The following AVEN variants were observed in gnomAD, a reference collection of about 807,000 sequenced individuals.
AVEN encodes cell death regulator Aven.
Under a neutral mutation model 38.1 loss-of-function variants are expected in AVEN, and 41 were observed. The ratio of observed to expected loss-of-function variants is 1.08; its 90% CI spans 0.84 to 1.40. The LOEUF is 1.40. AVEN is among the 40% of genes most tolerant of loss of function. The probability of loss-of-function intolerance (pLI) is 0.00; values close to 1 mark genes in which losing one functional copy is unlikely to be tolerated. For missense variants in AVEN, 605 were observed against 438.8 expected (o/e 1.38, Z -3.38); for synonymous variants, 206 against 171.8 (o/e 1.20, Z -1.56).
At chr15:34,068,234 AT>A (rs35505631) in intron 2 of AVEN, among the ~76,000 whole-genome samples, 132,223 of 139,668 alleles carry the variant, frequency 0.95, 62,724 homozygotes, top group East Asian at 0.99. Flanking sequence ...TTTTTCATTC[AT>A]TTTTTTTTTT....
intron 2 of AVEN, among the ~76,000 whole-genome samples, chr15:33,908,600 C>T (rs1166426746): frequency 6.6e-6 from 1 of 152,142 alleles, no homozygotes; most frequent in Admixed American, 6.5e-5. Context: ...TAGAATCATA[C>T]AGTATTTTTC....
intron 11 of AVEN, among the ~76,000 whole-genome samples, chr15:33,860,392 TGG>T: frequency 6.6e-6 from 1 of 152,302 alleles, no homozygotes; most frequent in Admixed American, 6.5e-5. Context: ...CAGCACTGCA[TGG>T]TGTAGAAAGG....
chr15:34,019,593 C>G (rs770470094), intron 1 of AVEN, among the ~76,000 whole-genome samples: 11 of 152,300 alleles, frequency 7.2e-5, no homozygotes, highest in Non-Finnish European at 1.5e-4. Context: ...TCATGGAAAG[C>G]ACCCCATACA....
intron 2 of AVEN, among the ~76,000 whole-genome samples, chr15:33,935,273 G>C (rs552709176): frequency 2.6e-5 from 4 of 152,116 alleles, no homozygotes; most frequent in Non-Finnish European, 4.4e-5. Flanking sequence ...CCTTTTTCTA[G>C]GACTCTATCA....
chr15:34,006,792 TATA>T (rs1420390137), intron 1 of AVEN, among the ~76,000 whole-genome samples: 1 of 152,116 alleles, frequency 6.6e-6, no homozygotes, highest in African/African-American at 2.4e-5. Flanking sequence ...TAAGAAGTAA[TATA>T]ATAATAAAAA....
chr15:34,057,011 T>C (rs1900178353), intron 5 of AVEN, among the ~76,000 whole-genome samples: 1 of 152,142 alleles, frequency 6.6e-6, no homozygotes, highest in Admixed American at 6.5e-5. Context: ...TGCAATCCAG[T>C]GTTAGCACCA....
chr15:33,904,740 CTT>C (rs1892631683), intron 2 of AVEN, among the ~76,000 whole-genome samples: 7 of 149,384 alleles, frequency 4.7e-5, no homozygotes, highest in Non-Finnish European at 1.0e-4. Flanking sequence ...AATATGCACG[CTT>C]GCACACACAT....
chr15:33,853,087 G>A, the AVEN span: 1 of 1,590,784 alleles, frequency 6.3e-7, no homozygotes, highest in Non-Finnish European at 8.5e-7. Flanking sequence ...TAAAGAGAAA[G>A]GTATGCCTTG....
chr15:33,968,125 A>G (rs1895466415), intron 2 of AVEN, among the ~76,000 whole-genome samples: 1 of 136,804 alleles, frequency 7.3e-6, no homozygotes, highest in Non-Finnish European at 1.5e-5. Flanking sequence ...AAAAAAAAAA[A>G]GCTTCTAGCC....
At chr15:34,008,223 C>A (rs1185450383) in intron 1 of AVEN, among the ~76,000 whole-genome samples, 1 of 151,920 alleles carries the variant, frequency 6.6e-6, no homozygotes, top group Non-Finnish European at 1.5e-5. Context: ...GAGTTCAAGA[C>A]CAGCCTAGGC....
intron 1 of AVEN, among the ~76,000 whole-genome samples, chr15:34,008,783 T>C (rs1897491815): frequency 6.6e-6 from 1 of 152,078 alleles, no homozygotes; most frequent in East Asian, 1.9e-4. Context: ...CCACCGTGCC[T>C]AGCCGATGAA....
At chr15:33,914,887 G>A (rs988992830) in intron 2 of AVEN, among the ~76,000 whole-genome samples, 1 of 151,992 alleles carries the variant, frequency 6.6e-6, no homozygotes, top group Non-Finnish European at 1.5e-5. Flanking sequence ...CACCTCATGT[G>A]CAATGCTCAC....
intron 2 of AVEN, among the ~76,000 whole-genome samples, chr15:33,900,187 C>T (rs1892431330): frequency 6.6e-6 from 1 of 152,064 alleles, no homozygotes. Context: ...GTCCTTGAAA[C>T]CCTTCAGAAT....
intron 2 of AVEN, among the ~76,000 whole-genome samples, chr15:33,959,819 G>A (rs1254248933): frequency 1.3e-5 from 2 of 152,182 alleles, no homozygotes; most frequent in African/African-American, 2.4e-5. Context: ...CATGGAATGT[G>A]ACAACAGAAT....
intron 2 of AVEN, among the ~76,000 whole-genome samples, chr15:33,902,827 T>C (rs1359751199): frequency 3.3e-5 from 5 of 149,856 alleles, no homozygotes; most frequent in African/African-American, 4.9e-5. Context: ...AAAAAATTCT[T>C]AGGAATAAAT....
At chr15:33,860,249 A>C (rs1318985577) in intron 11 of AVEN, among the ~76,000 whole-genome samples, 1 of 152,210 alleles carries the variant, frequency 6.6e-6, no homozygotes, top group Admixed American at 6.5e-5. Flanking sequence ...ACCCTGATCC[A>C]CCTCAGTGTC....
At chr15:33,921,816 T>C (rs1034430985) in intron 2 of AVEN, among the ~76,000 whole-genome samples, 2 of 152,196 alleles carry the variant, frequency 1.3e-5, no homozygotes, top group African/African-American at 4.8e-5. Context: ...TCAGCACACA[T>C]GCTAACTGAC....
chr15:33,949,373 T>C (rs934119817), intron 2 of AVEN, among the ~76,000 whole-genome samples: 1 of 152,218 alleles, frequency 6.6e-6, no homozygotes, highest in African/African-American at 2.4e-5. Context: ...ATCGTTAATT[T>C]ACGCTATATT....
rs71119906 is a variant in AVEN at position 33,968,099 on chromosome 15, TAAAAAAAAAA to T, written c.445+34923_445+34932del. On this transcript the variant is annotated intron_variant, in intron 2 of 5. Coordinates refer to ENST00000306730, the MANE Select transcript of AVEN (RefSeq NM_020371.3). ...TCTGTGAATAATGCCTAGCAAAGCTTAAAAAAAAAAAAAAAAAAAAAAAAAAGCTTCTAGC... is the reference window on the plus strand; with the variant it reads ...TCTGTGAATAATGCCTAGCAAAGCTTAAAAAAAAAAAAAAAAGCTTCTAGC... Among the ~76,000 whole-genome samples, 7 of 25,852 alleles carry T rather than the reference TAAAAAAAAAA, an allele frequency of 2.7e-4. 1 individual carries two copies. The highest frequency in any genetic ancestry group is 3.9e-3 in the South Asian group (1 of 256). The allele number at this position is 25,852 out of a possible 152,430, so 17.0% of individuals were successfully genotyped here.
Sources: gnomAD v4.1 joint callset for allele counts (sites outside exome capture counted in the v4.1 genomes callset) on GRCh38, gnomAD v4.1.1 for gene constraint, MANE v1.5 for transcripts, NCBI Gene and HGNC (gene_info 2026-07-23, HGNC 2026-07-21) for gene names.